The following SETD1A variants were observed in gnomAD, a reference collection of about 807,000 sequenced individuals.
SETD1A encodes the protein SET domain containing 1A, histone lysine methyltransferase.
A neutral mutation model predicts 149.9 loss-of-function variants in SETD1A; 29 were observed. That is an observed-to-expected ratio of 0.19 (90% CI 0.14 to 0.26). SETD1A has a LOEUF of 0.26. SETD1A is among the 10% of genes least tolerant of loss of function. SETD1A has a pLI of 1.00. For synonymous variants in SETD1A, 1,141 were observed against 968.5 expected, an observed-to-expected ratio of 1.18 and a Z score of -3.31; for missense variants, 2,109 against 2,353.1, an observed-to-expected ratio of 0.90 and a Z score of 2.15.
chr16:30,980,677 C>T lies in SETD1A; in HGVS notation c.4581+20C>T, dbSNP rs776918496. 1.1e-5 allele frequency: 17 copies of T among 1,610,010 alleles called. No individual in the cohort carries two copies. The East Asian group carries it at 1.3e-4, about 13-fold the overall frequency. The stretch of plus-strand genomic sequence containing the variant: ...ACTCAGGTGGGCCTAACCCCGCCGC[C>T]GCGTCCTCCTGCCACTCACTTCCCT... On this transcript the variant is annotated intron_variant, in intron 15 of 18. Coordinates refer to ENST00000262519, the MANE Select transcript of SETD1A (RefSeq NM_014712.3). The surrounding 1 kb of genome is among the most constrained non-coding windows in gnomAD (Gnocchi z 7.7).
chr16:30,964,888 C>T lies in SETD1A; in HGVS notation c.1146C>T (p.Tyr382=), dbSNP rs755201331. The change falls in exon 7 of 19, where the codon TAC becomes TAT. Residue 382 remains tyrosine, a synonymous_variant. Coordinates refer to ENST00000262519, the MANE Select transcript of SETD1A (RefSeq NM_014712.3). ...SWNRYQRHTS[Y]PPRRATREEP... is the part of the protein sequence containing the mutation. The stretch of plus-strand genomic sequence containing the variant: ...ATCGCTACCAGCGCCATACTTCCTA[C>T]CCACCACGCCGGGCCACACGGGAGG... The T allele has an allele frequency of 3.7e-6, 6 of 1,614,228 alleles. No individual in the cohort carries two copies. Among genetic ancestry groups the T allele is most frequent in the Non-Finnish European group, 5.1e-6 (6 of 1,180,036 alleles).
In SETD1A at chr16:30,979,985, G is replaced by A. The variant is rs1278989844; in HGVS notation, c.4199G>A (p.Arg1400His). ...RRRSLRSHAR[R>H]RRPPPPPPPP... The stretch of plus-strand genomic sequence containing the variant: ...CGCAGCCTCCGCTCCCACGCCCGGC[G>A]CCGCCGCCCTCCGCCCCCACCCCCG... The change falls in exon 14 of 19, where the codon CGC becomes CAC. Residue 1400 changes from arginine (R) to histidine (H), a missense_variant. Physicochemically the swap from Arg to His is conservative, Grantham distance 29 (BLOSUM62 0). Around this residue, in one of 8 missense-constraint regions of SETD1A, gnomAD observed 832 missense variants for 815.6 expected, o/e 1.02. Coordinates refer to ENST00000262519, the MANE Select transcript of SETD1A (RefSeq NM_014712.3). 5.4e-5 allele frequency: 81 copies of A among 1,501,848 alleles called. No individual in the cohort carries two copies. The highest frequency in any genetic ancestry group is 1.0e-4 in the African/African-American group (7 of 69,486). The allele number at this position is 1,501,848 out of a possible 1,614,324, so 93.0% of individuals were successfully genotyped here.
In SETD1A at chr16:30,979,322, C is replaced by T. The variant is rs768567614; in HGVS notation, c.3536C>T (p.Pro1179Leu). 5.0e-6 allele frequency: 8 copies of T among 1,613,382 alleles called. No individual in the cohort carries two copies. The highest frequency in any genetic ancestry group is 4.5e-5 in the East Asian group (2 of 44,870). Residue 1179 changes from proline to leucine, a missense_variant, in exon 14 of 19, where the codon CCG becomes CTG. Physicochemically the swap from Pro to Leu is moderately conservative, Grantham distance 98. Coordinates refer to ENST00000262519, the MANE Select transcript of SETD1A (RefSeq NM_014712.3). ...TCTGCCATCGAGGTGGTGCCAGCCC[C>T]GGAGCCCCCTCCAGCCACACCGCCG... ...SFSAIEVVPA[P>L]EPPPATPPQA...
In SETD1A at chr16:30,971,445, C is replaced by T. The variant is rs1467066935; in HGVS notation, c.3084C>T (p.Asp1028=). The change falls in exon 13 of 19, where the codon GAC becomes GAT. Residue 1028 remains aspartate (D), a synonymous_variant. Transcript: ENST00000262519. The stretch of plus-strand genomic sequence containing the variant: ...ATGCTGACTCAGATGGCGAAAATGA[C>T]AGCACATCAGACTCCGAGAGCAGCA... ...SLYADSDGEN[D]STSDSESSSS... 1 of 1,613,468 alleles carries T rather than the reference C, an allele frequency of 6.2e-7. No individual in the cohort carries two copies. The highest frequency in any genetic ancestry group is 2.2e-5 in the East Asian group (1 of 44,858).
intron 13 of SETD1A, among the ~76,000 whole-genome samples, chr16:30,978,597 G>A (rs2056317362): frequency 6.6e-6 from 1 of 152,232 alleles, no homozygotes; most frequent in African/African-American, 2.4e-5. Context: ...ATTCTGTAGG[G>A]GATGGGGAGG....
At chr16:30,973,363 T>C (rs1392227461) in intron 13 of SETD1A, among the ~76,000 whole-genome samples, 1 of 152,122 alleles carries the variant, frequency 6.6e-6, no homozygotes, top group Non-Finnish European at 1.5e-5. Flanking sequence ...CTTAGGGTGT[T>C]GCAAGGATAG....
At chr16:30,967,646 C>G in intron 10 of SETD1A, 58 bp downstream of exon 10, 1 of 1,474,546 alleles carries the variant, frequency 6.8e-7, no homozygotes, top group Non-Finnish European at 9.5e-7. Context: ...GATGGGAGAG[C>G]AAGAGGTAGG....
Position 30,969,356 on chromosome 16 carries a change from C to G in SETD1A, c.2822C>G (p.Pro941Arg). 6.2e-7 allele frequency: 1 copy of G among 1,614,192 alleles called. No individual in the cohort carries two copies. Residue 941 changes from proline (P) to arginine (R), a missense_variant, in exon 11 of 19, where the codon CCC becomes CGC. Pro to Arg is a moderately radical substitution (Grantham distance 103). Transcript: ENST00000262519. ...AGEPGRPGTKPPKRDEERGKT... is the reference protein window; with the variant it reads ...AGEPGRPGTKRPKRDEERGKT... ...GAGCCAGGACGTCCGGGGACCAAGC[C>G]CCCGAAGCGGGACGAAGAGCGAGGC...
chr16:30,977,654 T>G (rs999650906), intron 13 of SETD1A, among the ~76,000 whole-genome samples: 3 of 152,222 alleles, frequency 2.0e-5, no homozygotes, highest in Non-Finnish European at 4.4e-5. Context: ...GAGGCCTGCA[T>G]GCATCTGGGT....
At position 30,980,318 on chromosome 16, in the gene SETD1A, G is replaced by A; in HGVS notation, c.4408+124G>A. 1 of 1,436,412 alleles carries A rather than the reference G, an allele frequency of 7.0e-7. No individual in the cohort carries two copies. The highest frequency in any genetic ancestry group is 9.3e-7 in the Non-Finnish European group (1 of 1,076,492). The allele number at this position is 1,436,412 out of a possible 1,614,324, so 89.0% of individuals were successfully genotyped here. A position where few individuals can be genotyped will look rare whatever the true frequency, so the allele number is the denominator to read the frequency against. On this transcript the variant is annotated intron_variant, in intron 14 of 18. Transcript: ENST00000262519. The surrounding 1 kb of genome is among the most constrained non-coding windows in gnomAD (Gnocchi z 7.7). ...TCCAAGCCATCTTTTCTCTCCTCCTGGTGCCTCTTTTCTGCCTTCCAAAGC... is the reference window on the plus strand; with the variant it reads ...TCCAAGCCATCTTTTCTCTCCTCCTAGTGCCTCTTTTCTGCCTTCCAAAGC...
intron 5 of SETD1A, 90 bp downstream of exon 5, chr16:30,963,644 C>T (rs2056086662): frequency 7.2e-7 from 1 of 1,390,650 alleles, no homozygotes; most frequent in African/African-American, 1.5e-5. Flanking sequence ...AGGTTCCGGG[C>T]TTTCCCGTTA....
In SETD1A at chr16:30,969,659, A is replaced by T. The variant is rs1184603913; in HGVS notation, c.2986A>T (p.Thr996Ser). The T allele has an allele frequency of 6.2e-7, 1 of 1,614,064 alleles. No homozygotes were observed. Among genetic ancestry groups the T allele is most frequent in the East Asian group, 2.2e-5 (1 of 44,894 alleles). Reference sequence around the variant, plus strand: ...TGAAGATCGAGAGGAAGCTGTGGATACCACAAAGAAGGAGACAGAGGTGTC... The same window carrying T: ...TGAAGATCGAGAGGAAGCTGTGGATTCCACAAAGAAGGAGACAGAGGTGTC... ...EDEDREEAVD[T>S]TKKETEVSDG... is the part of the protein sequence containing the mutation. The change falls in exon 12 of 19, where the codon ACC (threonine) becomes TCC (serine). Residue 996 changes from threonine (T) to serine (S), a missense_variant. By Grantham distance (58) the Thr-to-Ser change is moderately conservative. Transcript: ENST00000262519.
In SETD1A at chr16:30,983,850, C is replaced by A; in HGVS notation, c.4951C>A (p.Pro1651Thr). 1 of 1,610,124 alleles carries A rather than the reference C, an allele frequency of 6.2e-7. No homozygotes were observed. The highest frequency in any genetic ancestry group is 8.5e-7 in the Non-Finnish European group (1 of 1,177,698). The change falls in exon 19 of 19, where the codon CCT (proline) becomes ACT (threonine). Residue 1651 changes from proline (P) to threonine (T), a missense_variant and splice_region_variant. Pro to Thr is a conservative substitution (Grantham distance 38). Coordinates refer to ENST00000262519, the MANE Select transcript of SETD1A (RefSeq NM_014712.3). This position sits in a 1 kb window ranked among gnomAD's most constrained non-coding sequence, Gnocchi z 6.8. Reference sequence around the variant, plus strand: ...GGCTCACACGCCCTTCCATCCGCAGCCTAACTGCTACGCCAAGGTCATCAC... The same window carrying A: ...GGCTCACACGCCCTTCCATCCGCAGACTAACTGCTACGCCAAGGTCATCAC... ...LARFINHCCT[P>T]NCYAKVITIE...
In SETD1A at chr16:30,963,505, G is replaced by A; in HGVS notation, c.590G>A (p.Gly197Asp). ...SYTPQTVPTG[G>D]KALSEKFQGS... ...ACCCCTCAGACTGTGCCCACTGGGG[G>A]CAAGGCCCTGAGTGAGAAGTTCCAA... is the stretch of plus-strand genomic sequence containing the variant. The change falls in exon 5 of 19, where the codon GGC (glycine) becomes GAC (aspartate). Residue 197 changes from glycine (G) to aspartate (D), a missense_variant. Physicochemically the swap from Gly to Asp is moderately conservative, Grantham distance 94. Coordinates refer to ENST00000262519, the MANE Select transcript of SETD1A (RefSeq NM_014712.3). 6.2e-7 allele frequency: 1 copy of A among 1,613,618 alleles called. No homozygotes were observed. The highest frequency in any genetic ancestry group is 8.5e-7 in the Non-Finnish European group (1 of 1,179,722).
At position 30,984,076 on chromosome 16, in the gene SETD1A, G is replaced by A; in HGVS notation, c.*53G>A. On this transcript the variant is annotated 3_prime_UTR_variant, in exon 19 of 19. Transcript: ENST00000262519. ...CTATTTATTCCCCCTGGTGCCCTGA[G>A]CTCCCAGCACCCCCCCAGCCTTAGT... 1 of 1,526,530 alleles carries A rather than the reference G, an allele frequency of 6.6e-7. No homozygotes were observed. Among genetic ancestry groups the A allele is most frequent in the Non-Finnish European group, 8.9e-7 (1 of 1,125,672 alleles). The allele number at this position is 1,526,530 out of a possible 1,614,324, so 94.6% of individuals were successfully genotyped here.
At chr16:30,982,519 AG>A (rs2056392458) in intron 17 of SETD1A, among the ~76,000 whole-genome samples, 1 of 151,556 alleles carries the variant, frequency 6.6e-6, no homozygotes, top group Non-Finnish European at 1.5e-5. Flanking sequence ...AAAAAAGAAA[AG>A]AAAAAACAGG....
In SETD1A at chr16:30,964,597, C is replaced by T. The variant is rs1465280280; in HGVS notation, c.870-15C>T. 4 of 1,606,786 alleles carry T rather than the reference C, an allele frequency of 2.5e-6. No individual in the cohort carries two copies. The highest frequency in any genetic ancestry group is 4.5e-5 in the East Asian group (2 of 44,810). ...AGAGAGCTGAGTCCAGCTAACTCCC[C>T]TGCTTCTTCTCCAGCACCACTTCAA... On this transcript the variant is annotated splice_polypyrimidine_tract_variant and intron_variant, in intron 6 of 18. Transcript: ENST00000262519.
chr16:30,963,393 A>G, intron 4 of SETD1A, 40 bp from the exon 5 acceptor site: 8 of 1,558,100 alleles, frequency 5.1e-6, no homozygotes, highest in Non-Finnish European at 7.0e-6. Context: ...AGGAGTTAGT[A>G]TCTCCATCTG....
rs771746478 is a variant in SETD1A at position 30,979,392 on chromosome 16, C to T, written c.3606C>T (p.Gly1202=). Residue 1202 remains glycine (G), a synonymous_variant, in exon 14 of 19, where the codon GGC becomes GGT. Transcript: ENST00000262519. ...PGPASRKAPR[G]VERTIRNLPL... ...CAGCCTCCCGCAAGGCTCCCCGGGGCGTGGAGCGGACCATCCGCAACCTGC... is the reference window on the plus strand; with the variant it reads ...CAGCCTCCCGCAAGGCTCCCCGGGGTGTGGAGCGGACCATCCGCAACCTGC... 1.5e-5 allele frequency: 24 copies of T among 1,611,856 alleles called. No homozygotes were observed. The highest frequency in any genetic ancestry group is 1.3e-4 in the Admixed American group (8 of 59,896).
Sources: allele counts gnomAD v4.1 joint callset (sites outside exome capture counted in the v4.1 genomes callset), GRCh38; gene constraint gnomAD v4.1.1; regional missense constraint gnomAD v4.1.1; non-coding constraint Gnocchi (gnomAD v3.1); transcripts MANE v1.5; gene names NCBI Gene and HGNC (gene_info 2026-07-23, HGNC 2026-07-21).